Variants in TRANK1 observed in about 807,000 individuals in gnomAD.
The protein encoded by TRANK1 is tetratricopeptide repeat and ankyrin repeat containing 1.
TRANK1 carries 198 observed loss-of-function variants against 266.0 expected under a neutral mutation model. That is an observed-to-expected ratio of 0.74 (90% CI 0.66 to 0.84). The LOEUF (loss-of-function observed/expected upper bound fraction) is 0.84. Among genes scored for constraint, TRANK1 ranks in the 40% least tolerant of loss-of-function variants. The probability of loss-of-function intolerance (pLI) is 0.00; values close to 1 mark genes in which losing one functional copy is unlikely to be tolerated. For synonymous variants in TRANK1, 1,396 were observed against 1,384.1 expected, an observed-to-expected ratio of 1.01 and a Z score of -0.19; for missense variants, 3,326 against 3,634.6, an observed-to-expected ratio of 0.92 and a Z score of 2.18.
rs992724550 is a variant in TRANK1 at position 36,908,358 on chromosome 3, T to C, written c.120A>G (p.Glu40=). The change falls in exon 2 of 24, where the codon GAA becomes GAG. Residue 40 remains glutamate (E), a synonymous_variant. Coordinates refer to ENST00000645898, the MANE Select transcript of TRANK1 (RefSeq NM_001329998.2). ...NFSLAIRKYD[E]AIQILLQLYQ... ...ATAACTGCAGGAGAATCTGGATGGC[T>C]TCATCGTACTTTCTGATGGCCAAAG... 2.6e-5 allele frequency: 32 copies of C among 1,232,110 alleles called. 1 individual carries two copies. The highest frequency in any genetic ancestry group is 4.1e-5 in the South Asian group (1 of 24,324). 76.3% of individuals were successfully genotyped at this position (1,232,110 alleles called of 1,614,324 possible).
Position 36,880,781 on chromosome 3 carries a change from G to A in TRANK1, c.908-6485C>T, listed in dbSNP as rs536003535. The stretch of plus-strand genomic sequence containing the variant: ...ATACTTTCAGTTTTAGGGTACATGT[G>A]CACAGCGTGCAGGTTTGTTACATAT... On this transcript the variant is annotated intron_variant, in intron 8 of 23. Transcript: ENST00000645898. The A allele has an allele frequency of 2.0e-5, 3 of 151,742 alleles. No individual in the cohort carries two copies. In the East Asian group the frequency reaches 5.8e-4, roughly 29 times the overall value. 9.4% of individuals were successfully genotyped at this position (151,742 alleles called of 1,614,324 possible). A position where few individuals can be genotyped will look rare whatever the true frequency, so the allele number is the denominator to read the frequency against.
chr3:36,930,675 T>C (rs1427730884), intron 1 of TRANK1, among the ~76,000 whole-genome samples: 1 of 152,156 alleles, frequency 6.6e-6, no homozygotes. Flanking sequence ...AAAGTTTATG[T>C]TGAGCAAAAG....
At chr3:36,895,042 G>A (rs1257395225) in intron 5 of TRANK1, among the ~76,000 whole-genome samples, 1 of 152,158 alleles carries the variant, frequency 6.6e-6, no homozygotes, top group Non-Finnish European at 1.5e-5. Flanking sequence ...TGAAGAAATA[G>A]GTTTATATAA....
At chr3:36,869,026 T>G (rs1268000735) in intron 9 of TRANK1, among the ~76,000 whole-genome samples, 1 of 152,162 alleles carries the variant, frequency 6.6e-6, no homozygotes, top group Non-Finnish European at 1.5e-5. Flanking sequence ...CAACATCAGG[T>G]AGAGAAAGTG....
chr3:36,833,961 A>G, intron 21 of TRANK1, 42 bp from the exon 22 acceptor site: 1 of 1,533,340 alleles, frequency 6.5e-7, no homozygotes, highest in Non-Finnish European at 8.7e-7. Flanking sequence ...GCCATCACCC[A>G]ATCAATAGAA....
intron 13 of TRANK1, among the ~76,000 whole-genome samples, chr3:36,853,155 A>T (rs4678912): frequency 0.36 from 54,547 of 152,108 alleles, 10,190 homozygotes; most frequent in African/African-American, 0.42. Flanking sequence ...ATCCCATTTA[A>T]TCCTCACAAC....
At chr3:36,842,431 C>A (rs1290591617) in intron 18 of TRANK1, among the ~76,000 whole-genome samples, 191 bp downstream of exon 18, 1 of 152,246 alleles carries the variant, frequency 6.6e-6, no homozygotes. Flanking sequence ...AGTTGTCATG[C>A]CTGCACTGAC....
chr3:36,849,161 C>T (rs779424448), intron 15 of TRANK1, among the ~76,000 whole-genome samples: 24 of 152,096 alleles, frequency 1.6e-4, no homozygotes, highest in Non-Finnish European at 2.9e-4. Flanking sequence ...TTTGAGGGGC[C>T]TATTCTCTAG....
rs1020726679 is a variant in TRANK1 at position 36,833,524 on chromosome 3, C to T, written c.6059G>A (p.Cys2020Tyr). 8.1e-6 allele frequency: 13 copies of T among 1,613,756 alleles called. No homozygotes were observed. Among genetic ancestry groups the T allele is most frequent in the Non-Finnish European group, 1.1e-5 (13 of 1,179,816 alleles). ...GCCAGACAACTGGCCAGTTTGATAG[C>T]AGATATCAAGTGCTTCTCTCAGAAT... ...KDILREALDI[C>Y]YQTGQLSGIA... is the part of the protein sequence containing the mutation. The change falls in exon 22 of 24, where the codon TGC becomes TAC. Residue 2020 changes from cysteine to tyrosine, a missense_variant. Transcript: ENST00000645898.
chr3:36,839,271 C>A (rs879874313), intron 18 of TRANK1, among the ~76,000 whole-genome samples: 1 of 152,358 alleles, frequency 6.6e-6, no homozygotes, highest in Non-Finnish European at 1.5e-5. Flanking sequence ...GGTAGGCAAA[C>A]AAATGTCACA....
At chr3:36,938,132 G>T (rs1295093042) in intron 1 of TRANK1, among the ~76,000 whole-genome samples, 1 of 152,200 alleles carries the variant, frequency 6.6e-6, no homozygotes, top group African/African-American at 2.4e-5. Context: ...ATCTCCCATG[G>T]ACAAGGACAT....
At position 36,846,394 on chromosome 3, in the gene TRANK1, C is replaced by T; in HGVS notation, c.5045G>A (p.Gly1682Glu). 2 of 1,612,388 alleles carry T rather than the reference C, an allele frequency of 1.2e-6. No homozygotes were observed. The highest frequency in any genetic ancestry group is 1.7e-6 in the Non-Finnish European group (2 of 1,179,120). Residue 1682 changes from glycine to glutamate, a missense_variant, in exon 17 of 24, where the codon GGA becomes GAA. Gly to Glu is a moderately conservative substitution (Grantham distance 98). Coordinates refer to ENST00000645898, the MANE Select transcript of TRANK1 (RefSeq NM_001329998.2). The part of the protein sequence containing the change: ...VNPEMYKLLN[G>E]ELKQLYTAIT... ...GGCGGTGTACAGCTGCTTCAGCTCT[C>T]CGTTGAGGAGCTAAAGATAACATTG...
chr3:36,828,254 G>A lies in TRANK1; in HGVS notation c.*21C>T. 1 of 1,559,298 alleles carries A rather than the reference G, an allele frequency of 6.4e-7. No homozygotes were observed. The highest frequency in any genetic ancestry group is 8.8e-7 in the Non-Finnish European group (1 of 1,135,036). ...AGAATGGAATGTTCCGAAGGATGAG[G>A]AGGCTGCAGCTGTGTGGACATTAGT... On this transcript the variant is annotated 3_prime_UTR_variant, in exon 24 of 24. Coordinates refer to ENST00000645898, the MANE Select transcript of TRANK1 (RefSeq NM_001329998.2).
Position 36,896,643 on chromosome 3 carries a change from G to A in TRANK1, c.434-885C>T, listed in dbSNP as rs562818142. On this transcript the variant is annotated intron_variant, in intron 4 of 23. Coordinates refer to ENST00000645898, the MANE Select transcript of TRANK1 (RefSeq NM_001329998.2). ...TATCTTAAGGGGCAGCCATCAAGAA[G>A]CAGTTGTTTGGAATTCCCATAACTC... is the stretch of plus-strand genomic sequence containing the variant. 9.8e-5 allele frequency among the ~76,000 whole-genome samples: 15 copies of A among 152,316 alleles called. No individual in the cohort carries two copies. The South Asian group carries it at 3.1e-3, about 32-fold the overall frequency.
chr3:36,857,904 G>A lies in TRANK1; in HGVS notation c.1818C>T (p.Arg606=), dbSNP rs73826907. ...CCAGCAGGTCTAACAGCTTCTTCAC[G>A]CGCTTTAGCATGCCCTTCTGGAAGA... ...HILFQKGMLK[R]VKKLLDLLVK... Residue 606 remains arginine, a synonymous_variant, in exon 13 of 24, where the codon CGC becomes CGT. Transcript: ENST00000645898. This position sits in a 1 kb window ranked among gnomAD's most constrained non-coding sequence, Gnocchi z 4.3. 364 of 1,610,140 alleles carry A rather than the reference G, an allele frequency of 2.3e-4. No homozygotes were observed. The African/African-American group carries it at 4.0e-3, about 18-fold the overall frequency.
At chr3:36,839,592 C>T (rs2078816459) in intron 18 of TRANK1, among the ~76,000 whole-genome samples, 1 of 152,218 alleles carries the variant, frequency 6.6e-6, no homozygotes, top group Non-Finnish European at 1.5e-5. Context: ...GCTCTTCGGT[C>T]CTTTCCCTGT....
rs1328790848 is a variant in TRANK1 at position 36,857,346 on chromosome 3, C to CT, written c.2375dup (p.Val793GlyfsTer11). 9 of 1,606,890 alleles carry CT rather than the reference C, an allele frequency of 5.6e-6. No homozygotes were observed. The highest frequency in any genetic ancestry group is 6.8e-6 in the Non-Finnish European group (8 of 1,176,700). ...CAAGCTGCAAGGCCCCAAGGCCCAC[C>CT]TGAGCATGTCCTTCCCCCACCTCAC... On this transcript the variant is annotated frameshift_variant, in exon 13 of 24. Transcript: ENST00000645898. LOFTEE classifies it high-confidence loss of function. The surrounding 1 kb of genome is among the most constrained non-coding windows in gnomAD (Gnocchi z 4.3).
rs779623996 is a variant in TRANK1, at chr3:36,831,765, C to T, written c.7818G>A (p.Gln2606=). ...LQLMSMDCPG[Q]VPERLLKVVK... is the part of the protein sequence containing the mutation. ...CCACCTTCAGGAGCCTCTCGGGAACCTGGCCAGGGCAGTCCATGCTCATGA... is the reference window on the plus strand; with the variant it reads ...CCACCTTCAGGAGCCTCTCGGGAACTTGGCCAGGGCAGTCCATGCTCATGA... Residue 2606 remains glutamine (Q), a synonymous_variant, in exon 22 of 24, where the codon CAG becomes CAA. Transcript: ENST00000645898. The surrounding 1 kb of genome is among the most constrained non-coding windows in gnomAD (Gnocchi z 5.0). 6.2e-7 allele frequency: 1 copy of T among 1,613,970 alleles called. No homozygotes were observed. The highest frequency in any genetic ancestry group is 8.5e-7 in the Non-Finnish European group (1 of 1,179,894).
At chr3:36,923,256 AT>A (rs34869381) in intron 1 of TRANK1, among the ~76,000 whole-genome samples, 2,273 of 141,000 alleles carry the variant, frequency 0.016, 32 homozygotes, top group Non-Finnish European at 0.019. Flanking sequence ...GTCTTGGTAA[AT>A]TTTTTTTTTT....
Sources: gnomAD v4.1 joint callset for allele counts (sites outside exome capture counted in the v4.1 genomes callset) on GRCh38, gnomAD v4.1.1 for gene constraint, Gnocchi (gnomAD v3.1) non-coding constraint, MANE v1.5 for transcripts, NCBI Gene and HGNC (gene_info 2026-07-23, HGNC 2026-07-21) for gene names.